The following PCDH15 variants were observed in gnomAD, a reference collection of about 807,000 sequenced individuals.
PCDH15 encodes protocadherin related 15.
PCDH15 carries 129 observed loss-of-function variants against 178.5 expected under a neutral mutation model. The ratio of observed to expected loss-of-function variants is 0.72; its 90% CI spans 0.63 to 0.84. PCDH15 has a LOEUF of 0.84. Among genes scored for constraint, PCDH15 ranks in the 40% least tolerant of loss-of-function variants. The pLI is 0.00. For synonymous variants in PCDH15, 800 were observed against 732.0 expected (o/e 1.09, Z -1.50); for missense variants, 2,230 against 2,099.9 (o/e 1.06, Z -1.21).
chr10:54,164,448 A>T (rs1053548777), intron 13 of PCDH15, among the ~76,000 whole-genome samples: 13 of 152,194 alleles, frequency 8.5e-5, no homozygotes, highest in Admixed American at 7.9e-4. Flanking sequence ...CCTTATGTAG[A>T]AGGATTTGCC....
intron 2 of PCDH15, among the ~76,000 whole-genome samples, chr10:54,530,833 G>A (rs1036415450): frequency 1.3e-5 from 2 of 152,080 alleles, no homozygotes; most frequent in African/African-American, 4.8e-5. Context: ...AATGAAAAGA[G>A]GTTAAGCAGA....
chr10:53,813,559 A>G (rs2075954886), intron 35 of PCDH15, among the ~76,000 whole-genome samples: 1 of 152,240 alleles, frequency 6.6e-6, no homozygotes, highest in South Asian at 2.1e-4. Context: ...TGGCAATAGT[A>G]CTAAATTAAA....
intron 9 of PCDH15, among the ~76,000 whole-genome samples, chr10:54,224,350 G>A (rs1331085229): frequency 6.6e-6 from 1 of 152,014 alleles, no homozygotes; most frequent in Non-Finnish European, 1.5e-5. Flanking sequence ...AGAAGCCAAG[G>A]TATTGAAATG....
At chr10:55,568,878 T>A (rs1008614439) in intron 2 of PCDH15, among the ~76,000 whole-genome samples, 3 of 152,030 alleles carry the variant, frequency 2.0e-5, no homozygotes, top group Non-Finnish European at 2.9e-5. Context: ...CCTCGCTGCA[T>A]CTGTCACTGC....
At chr10:54,008,388 T>C (rs1007656318) in intron 20 of PCDH15, among the ~76,000 whole-genome samples, 1 of 152,118 alleles carries the variant, frequency 6.6e-6, no homozygotes, top group African/African-American at 2.4e-5. Flanking sequence ...CGTTAAGTAA[T>C]ACCCCCATAT....
intron 9 of PCDH15, among the ~76,000 whole-genome samples, chr10:54,214,801 G>C (rs553179076): frequency 1.3e-5 from 2 of 152,126 alleles, no homozygotes; most frequent in South Asian, 4.1e-4. Context: ...ATGTTGGCCA[G>C]GCTGGTCTTG....
intron 2 of PCDH15, among the ~76,000 whole-genome samples, chr10:55,148,931 C>G (rs965239391): frequency 6.6e-6 from 1 of 150,494 alleles, no homozygotes; most frequent in Non-Finnish European, 1.5e-5. Flanking sequence ...AATTTTAAGA[C>G]AAATACTGAT....
intron 2 of PCDH15, among the ~76,000 whole-genome samples, chr10:55,455,794 G>C (rs535256341): frequency 6.6e-6 from 1 of 151,946 alleles, no homozygotes; most frequent in East Asian, 1.9e-4. Flanking sequence ...TATAGACAAG[G>C]CACCCCACAA....
At chr10:54,442,471 T>A (rs1436510597) in intron 3 of PCDH15, among the ~76,000 whole-genome samples, 1 of 125,090 alleles carries the variant, frequency 8.0e-6, no homozygotes, top group African/African-American at 3.0e-5. Flanking sequence ...CAGTCTTTTT[T>A]ATTATAATAA....
intron 3 of PCDH15, among the ~76,000 whole-genome samples, chr10:54,503,264 T>TGTGTGTGAGA (rs35648214): frequency 0.03 from 4,118 of 137,328 alleles, 87 homozygotes; most frequent in East Asian, 0.081. Flanking sequence ...TGTGTGTGTG[T>TGTGTGTGAGA]GATTATATAT....
chr10:54,531,115 C>A (rs1363372049), intron 2 of PCDH15, among the ~76,000 whole-genome samples: 1 of 152,162 alleles, frequency 6.6e-6, no homozygotes, highest in Non-Finnish European at 1.5e-5. Context: ...TGTGGATCAT[C>A]TGTCTGCCAC....
At chr10:54,460,973 TA>T (rs1303596552) in intron 3 of PCDH15, among the ~76,000 whole-genome samples, 1 of 152,082 alleles carries the variant, frequency 6.6e-6, no homozygotes, top group Non-Finnish European at 1.5e-5. Flanking sequence ...TAATGTCTGA[TA>T]AACAGATACA....
chr10:54,742,953 A>G (rs1300192373), intron 1 of PCDH15, among the ~76,000 whole-genome samples: 4 of 152,070 alleles, frequency 2.6e-5, no homozygotes, highest in Admixed American at 6.6e-5. Flanking sequence ...AATATTCACC[A>G]TAAGTCTGGT....
chr10:53,915,911 AT>A (rs2133825731), intron 25 of PCDH15, among the ~76,000 whole-genome samples: 1 of 152,234 alleles, frequency 6.6e-6, no homozygotes, highest in East Asian at 1.9e-4. Flanking sequence ...CATGAAGAAA[AT>A]GACAACACTG....
Position 53,831,466 on chromosome 10 carries a change from T to C in PCDH15, c.4051A>G (p.Ile1351Val), listed in dbSNP as rs1036253810. 6.2e-6 allele frequency: 10 copies of C among 1,614,088 alleles called. No individual in the cohort carries two copies. The African/African-American group carries it at 1.3e-4, about 22-fold the overall frequency. Residue 1351 changes from isoleucine (I) to valine (V), a missense_variant, in exon 30 of 38, where the codon ATT (isoleucine) becomes GTT (valine). Coordinates refer to ENST00000644397, the MANE Select transcript of PCDH15 (RefSeq NM_001384140.1). The stretch of plus-strand genomic sequence containing the variant: ...GCCTCTGGAGTCCGGATCTCCAGAA[T>C]GCGTCCTCCTTCCCCATAATACGGC... ...FQPYYGEGGRILEIRTPEAVT... is the reference protein window; with the variant it reads ...FQPYYGEGGRVLEIRTPEAVT...
Position 54,637,167 on chromosome 10 carries a change from T to A in PCDH15, c.91+27005A>T, listed in dbSNP as rs143361757. Among the ~76,000 whole-genome samples the A allele has an allele frequency of 4.0e-3, 612 of 151,304 alleles. 2 individuals are homozygous for A. The highest frequency in any genetic ancestry group is 0.014 in the African/African-American group (589 of 41,324). On this transcript the variant is annotated intron_variant, in intron 2 of 37. Transcript: ENST00000644397. ...CAATTCAGGGAGGCTAGCTGAAGAA[T>A]GATTTAGTTACCTATTTTGAGCTCC...
chr10:55,395,228 AG>A (rs1837898442), intron 2 of PCDH15, among the ~76,000 whole-genome samples: 2 of 127,400 alleles, frequency 1.6e-5, no homozygotes, highest in Admixed American at 7.9e-5. Flanking sequence ...AGAGAGAGAG[AG>A]AGAAAGAGAC....
At chr10:55,338,181 G>T (rs1034394000) in intron 2 of PCDH15, among the ~76,000 whole-genome samples, 1 of 152,056 alleles carries the variant, frequency 6.6e-6, no homozygotes, top group Admixed American at 6.6e-5. Context: ...GTGGTGAAAG[G>T]GGAACTCTCA....
intron 3 of PCDH15, among the ~76,000 whole-genome samples, chr10:54,421,134 A>G (rs1287583917): frequency 1.3e-5 from 2 of 152,150 alleles, no homozygotes; most frequent in African/African-American, 2.4e-5. Flanking sequence ...TTGTATTTGC[A>G]GCAATTATTA....
Sources: allele counts gnomAD v4.1 joint callset (sites outside exome capture counted in the v4.1 genomes callset), GRCh38; gene constraint gnomAD v4.1.1; transcripts MANE v1.5; gene names NCBI Gene and HGNC (gene_info 2026-07-23, HGNC 2026-07-21).